GALNT11: variants seen among roughly 807,000 people sequenced by gnomAD.
GALNT11 encodes polypeptide N-acetylgalactosaminyltransferase 11, also known as UDP-GalNAc:polypeptide N-acetylgalactosaminyltransferase 11.
Under a neutral mutation model 72.7 loss-of-function variants are expected in GALNT11, and 47 were observed. The ratio of observed to expected loss-of-function variants is 0.65; its 90% CI spans 0.51 to 0.82. GALNT11 has a LOEUF of 0.82. GALNT11 is among the 40% of genes least tolerant of loss of function. The pLI is 0.00. For missense variants in GALNT11, 677 were observed against 778.4 expected, an observed-to-expected ratio of 0.87 and a Z score of 1.55; for synonymous variants, 270 against 286.6, an observed-to-expected ratio of 0.94 and a Z score of 0.58.
At chr7:152,078,323 T>A (rs947278980) in intron 1 of GALNT11, among the ~76,000 whole-genome samples, 6 of 152,176 alleles carry the variant, frequency 3.9e-5, no homozygotes, top group Non-Finnish European at 8.8e-5. Context: ...TGCCTCAGCC[T>A]CCTGAGTATC....
intron 1 of GALNT11, among the ~76,000 whole-genome samples, chr7:152,054,526 G>A (rs1200865014): frequency 8.4e-5 from 3 of 35,838 alleles, no homozygotes; most frequent in African/African-American, 3.1e-4. Flanking sequence ...TTTTTTTTTT[G>A]AGGCAGGGTC....
chr7:152,068,670 G>C (rs1311058917), intron 1 of GALNT11, among the ~76,000 whole-genome samples: 1 of 152,124 alleles, frequency 6.6e-6, no homozygotes, highest in Admixed American at 6.5e-5. Flanking sequence ...TAAGGGAAGA[G>C]AGGGTACAAT....
chr7:152,042,193 A>G (rs532144389), intron 1 of GALNT11, among the ~76,000 whole-genome samples: 1 of 152,376 alleles, frequency 6.6e-6, no homozygotes, highest in East Asian at 1.9e-4. Context: ...AACCATTCAC[A>G]GTCCTGCTCA....
intron 10 of GALNT11, 146 bp downstream of exon 10, chr7:152,118,928 C>T (rs1389295876): frequency 1.1e-5 from 6 of 570,200 alleles, no homozygotes; most frequent in East Asian, 3.4e-5. Flanking sequence ...GTTATTGGAA[C>T]GCTAAGCTTA....
intron 2 of GALNT11, among the ~76,000 whole-genome samples, chr7:152,099,531 T>G (rs1015470841): frequency 5.6e-5 from 4 of 71,734 alleles, no homozygotes; most frequent in African/African-American, 7.7e-5. Flanking sequence ...TCCCGCCTAG[T>G]TTTTTTTTTT....
chr7:152,116,912 C>T, intron 8 of GALNT11: 1 of 640,836 alleles, frequency 1.6e-6, no homozygotes, highest in Non-Finnish European at 2.9e-6. Context: ...AGACACAGCC[C>T]ACACACGCAG....
intron 10 of GALNT11, chr7:152,119,370 T>C (rs1486420011): frequency 6.6e-6 from 1 of 152,136 alleles, no homozygotes; most frequent in Non-Finnish European, 1.5e-5. Context: ...AATAGCATAA[T>C]GGAACAGCAG....
At chr7:152,111,970 C>T (rs149731501) in intron 7 of GALNT11, among the ~76,000 whole-genome samples, 2 of 152,238 alleles carry the variant, frequency 1.3e-5, no homozygotes, top group East Asian at 3.9e-4. Flanking sequence ...GGAGGAAATC[C>T]ACCTCGCATT....
chr7:152,096,503 G>A (rs2086380557), intron 2 of GALNT11, among the ~76,000 whole-genome samples: 1 of 152,046 alleles, frequency 6.6e-6, no homozygotes, highest in Admixed American at 6.6e-5. Flanking sequence ...GATCACCTGA[G>A]GTCAGGAATT....
intron 1 of GALNT11, among the ~76,000 whole-genome samples, chr7:152,078,493 G>A (rs914196961): frequency 3.3e-5 from 5 of 152,142 alleles, no homozygotes; most frequent in African/African-American, 9.7e-5. Context: ...GAGCCACTGC[G>A]CCCGGCCGGA....
intron 1 of GALNT11, among the ~76,000 whole-genome samples, chr7:152,052,352 A>C (rs1185650931): frequency 6.6e-6 from 1 of 151,986 alleles, no homozygotes. Flanking sequence ...AATTCTTTTG[A>C]GTATACTATA....
At chr7:152,110,876 A>T (rs2088109848) in intron 7 of GALNT11, among the ~76,000 whole-genome samples, 1 of 151,574 alleles carries the variant, frequency 6.6e-6, no homozygotes. Flanking sequence ...GACTACAGGC[A>T]TGTGCCTGTA....
Position 152,121,638 on chromosome 7 carries a change from C to T in GALNT11, c.1788C>T (p.Cys596=), listed in dbSNP as rs374094445. 35 of 1,614,078 alleles carry T rather than the reference C, an allele frequency of 2.2e-5. No individual in the cohort carries two copies. Among genetic ancestry groups the T allele is most frequent in the African/African-American group, 8.0e-5 (6 of 74,930 alleles). The stretch of plus-strand genomic sequence containing the variant: ...AGGGCTCTGTCGCCATGGCGATCTG[C>T]GATGGCTCCTCTTCACAGCAGTGGC... ...GQKGSVAMAI[C]DGSSSQQWHL... is the part of the protein sequence containing the mutation. The change falls in exon 12 of 12, where the codon TGC becomes TGT. Residue 596 remains cysteine, a synonymous_variant. Transcript: ENST00000430044.
chr7:152,113,053 A>G (rs949112923), intron 7 of GALNT11, among the ~76,000 whole-genome samples, 193 bp from the exon 8 acceptor site: 3 of 152,230 alleles, frequency 2.0e-5, no homozygotes, highest in Non-Finnish European at 2.9e-5. Context: ...CCTTGTAATG[A>G]TAAAGACAGA....
At chr7:152,080,308 A>G (rs907750547) in intron 1 of GALNT11, among the ~76,000 whole-genome samples, 1 of 152,210 alleles carries the variant, frequency 6.6e-6, no homozygotes, top group Non-Finnish European at 1.5e-5. Context: ...TATTTCTTTC[A>G]TAGCCTTAAA....
intron 9 of GALNT11, 99 bp downstream of exon 9, chr7:152,117,474 C>T: frequency 2.6e-6 from 3 of 1,162,618 alleles, no homozygotes; most frequent in Non-Finnish European, 3.8e-6. Flanking sequence ...GTGGACTTAA[C>T]AGAGTGTAAT....
chr7:152,050,367 C>T (rs891614160), intron 1 of GALNT11, among the ~76,000 whole-genome samples: 5 of 152,206 alleles, frequency 3.3e-5, no homozygotes, highest in Admixed American at 6.5e-5. Context: ...TTCAAGGTAG[C>T]AGGTTCCCTT....
intron 8 of GALNT11, among the ~76,000 whole-genome samples, chr7:152,113,632 CTAA>C (rs1204176104): frequency 6.7e-6 from 1 of 148,860 alleles, no homozygotes; most frequent in Non-Finnish European, 1.5e-5. Context: ...AGTAATGCGG[CTAA>C]TGTTGGAAGA....
chr7:152,121,561 T>C lies in GALNT11; in HGVS notation c.1711T>C (p.Tyr571His). ...TTTTTTTCAGAAAAACAATCGGCTATACCAGGTGTCGGTTGGACAGTGCCT... is the reference window on the plus strand; with the variant it reads ...TTTTTTTCAGAAAAACAATCGGCTACACCAGGTGTCGGTTGGACAGTGCCT... ...QWTFGKNNRL[Y>H]QVSVGQCLRA... Residue 571 changes from tyrosine (Y) to histidine (H), a missense_variant, in exon 12 of 12, where the codon TAC (tyrosine) becomes CAC (histidine). Coordinates refer to ENST00000430044, the MANE Select transcript of GALNT11 (RefSeq NM_022087.4). The C allele has an allele frequency of 7.4e-6, 12 of 1,611,218 alleles. No individual in the cohort carries two copies. The highest frequency in any genetic ancestry group is 1.0e-5 in the Non-Finnish European group (12 of 1,179,174).
Sources: allele counts gnomAD v4.1 joint callset (sites outside exome capture counted in the v4.1 genomes callset), GRCh38; gene constraint gnomAD v4.1.1; transcripts MANE v1.5; gene names NCBI Gene and HGNC (gene_info 2026-07-23, HGNC 2026-07-21).